The following CCDC186 variants were observed in gnomAD, a reference collection of about 807,000 sequenced individuals.
CCDC186 encodes the protein coiled-coil domain-containing protein 186.
Under a neutral mutation model 113.7 loss-of-function variants are expected in CCDC186, and 49 were observed. The ratio of observed to expected loss-of-function variants is 0.43; its 90% CI spans 0.34 to 0.55. The LOEUF (loss-of-function observed/expected upper bound fraction) is 0.55. Ranked by LOEUF, CCDC186 falls within the 20% of genes least tolerant of loss-of-function variation. CCDC186 has a pLI of 0.02. For missense variants in CCDC186, 890 were observed against 1,011.1 expected, an observed-to-expected ratio of 0.88 and a Z score of 1.62; for synonymous variants, 355 against 345.8, an observed-to-expected ratio of 1.03 and a Z score of -0.30.
At chr10:114,173,508 T>A (rs917264519) in intron 1 of CCDC186, among the ~76,000 whole-genome samples, 2 of 152,112 alleles carry the variant, frequency 1.3e-5, no homozygotes, top group African/African-American at 4.8e-5. Flanking sequence ...TATCCACCAC[T>A]CCAAAGAATC....
At chr10:114,154,810 A>G (rs959578339) in intron 3 of CCDC186, among the ~76,000 whole-genome samples, 15 of 152,356 alleles carry the variant, frequency 9.8e-5, no homozygotes, top group Non-Finnish European at 1.6e-4. Flanking sequence ...TGGCAGAAAC[A>G]ACCCATTTTC....
intron 13 of CCDC186, 89 bp downstream of exon 13, chr10:114,129,802 T>C (rs765691922): frequency 1.8e-5 from 21 of 1,138,482 alleles, no homozygotes; most frequent in Non-Finnish European, 2.6e-5. Flanking sequence ...AGTGCTGGGA[T>C]TACAGGTGTG....
intron 3 of CCDC186, among the ~76,000 whole-genome samples, 196 bp downstream of exon 3, chr10:114,157,357 AT>A (rs5788057): frequency 0.016 from 2,112 of 130,124 alleles, 49 homozygotes; most frequent in African/African-American, 0.052. Flanking sequence ...CTAATTTTCT[AT>A]TTTTTTTTTT....
chr10:114,172,016 A>G (rs2032507465), intron 1 of CCDC186, among the ~76,000 whole-genome samples: 1 of 152,212 alleles, frequency 6.6e-6, no homozygotes, highest in Non-Finnish European at 1.5e-5. Context: ...TGCCCCTAAA[A>G]TGAATACTAA....
intron 1 of CCDC186, chr10:114,165,834 C>T (rs2032320226): frequency 7.2e-6 from 4 of 558,122 alleles, no homozygotes; most frequent in Non-Finnish European, 8.4e-6. Context: ...GGCAACAGAG[C>T]GAGACACTTT....
At chr10:114,160,269 C>CAAA (rs78640501) in intron 2 of CCDC186, among the ~76,000 whole-genome samples, 4 of 114,224 alleles carry the variant, frequency 3.5e-5, no homozygotes, top group African/African-American at 9.6e-5. Flanking sequence ...AACTCCACCT[C>CAAA]AAAAAAAAAA....
At chr10:114,131,095 T>C in intron 12 of CCDC186, 52 bp downstream of exon 12, 3 of 1,323,420 alleles carry the variant, frequency 2.3e-6, no homozygotes, top group African/African-American at 1.5e-5. Flanking sequence ...AAAATCCTAA[T>C]GATTAAAAGA....
chr10:114,157,603 A>G lies in CCDC186; in HGVS notation c.710T>C (p.Leu237Pro). The G allele has an allele frequency of 1.2e-6, 2 of 1,610,986 alleles. No homozygotes were observed. The highest frequency in any genetic ancestry group is 1.7e-6 in the Non-Finnish European group (2 of 1,178,946). Residue 237 changes from leucine (L) to proline (P), a missense_variant, in exon 3 of 16, where the codon CTA becomes CCA. Leu to Pro is a moderately conservative substitution (Grantham distance 98). Coordinates refer to ENST00000369287, the MANE Select transcript of CCDC186 (RefSeq NM_018017.4). ...CSEKDNLREE[L>P]KKRTETEKQH... Reference sequence around the variant, plus strand: ...CTTCTCAGTTTCTGTTCTTTTCTTTAGTTCTTCTCTTAAATTGTCTTTTTC... The same window carrying G: ...CTTCTCAGTTTCTGTTCTTTTCTTTGGTTCTTCTCTTAAATTGTCTTTTTC...
At chr10:114,159,861 C>A (rs551578852) in intron 2 of CCDC186, among the ~76,000 whole-genome samples, 93 of 152,134 alleles carry the variant, frequency 6.1e-4, no homozygotes, top group African/African-American at 2.2e-3. Context: ...ACTTGGGATG[C>A]TGAGGTGGGA....
intron 6 of CCDC186, 56 bp downstream of exon 6, chr10:114,144,441 A>T: frequency 6.4e-7 from 1 of 1,557,174 alleles, no homozygotes; most frequent in Non-Finnish European, 8.6e-7. Context: ...ACAAAAACAA[A>T]AACAAAAACA....
chr10:114,155,342 C>T (rs1020210118), intron 3 of CCDC186, among the ~76,000 whole-genome samples: 5 of 152,114 alleles, frequency 3.3e-5, no homozygotes, highest in African/African-American at 1.2e-4. Flanking sequence ...AAGTACAAGC[C>T]ACATGTGGAA....
At chr10:114,140,224 A>C (rs982641039) in intron 6 of CCDC186, among the ~76,000 whole-genome samples, 2 of 152,246 alleles carry the variant, frequency 1.3e-5, no homozygotes, top group Non-Finnish European at 2.9e-5. Flanking sequence ...GATAGAATGA[A>C]AGTTTGGAGA....
intron 3 of CCDC186, among the ~76,000 whole-genome samples, chr10:114,153,317 C>T (rs533930701): frequency 4.7e-4 from 72 of 152,176 alleles, no homozygotes; most frequent in African/African-American, 1.6e-3. Flanking sequence ...GGGAAATTCA[C>T]AAATTTGTGA....
Position 114,129,900 on chromosome 10 carries a change from T to C in CCDC186, c.2173A>G (p.Ser725Gly). 1 of 1,613,514 alleles carries C rather than the reference T, an allele frequency of 6.2e-7. No homozygotes were observed. The highest frequency in any genetic ancestry group is 8.5e-7 in the Non-Finnish European group (1 of 1,179,596). Residue 725 changes from serine (S) to glycine (G), a missense_variant, in exon 13 of 16, where the codon AGT (serine) becomes GGT (glycine). Ser to Gly is a moderately conservative substitution (Grantham distance 56). Transcript: ENST00000369287. ...KEVSSMGSRS[S>G]SSGSLNARSS... ...GCCACTAGTTTTTTACCTGATGAAC[T>C]AGAACGACTTCCCATGCTGCTGACT...
chr10:114,159,640 C>CAAAAAAA (rs34339225), intron 2 of CCDC186, among the ~76,000 whole-genome samples: 3 of 55,482 alleles, frequency 5.4e-5, no homozygotes, highest in Non-Finnish European at 7.4e-5. Context: ...GACTCCGTCT[C>CAAAAAAA]AAAAAAAAAA....
intron 6 of CCDC186, 93 bp downstream of exon 6, chr10:114,144,404 A>G: frequency 2.1e-6 from 3 of 1,434,480 alleles, no homozygotes; most frequent in Non-Finnish European, 2.8e-6. Flanking sequence ...CTAATCTGAA[A>G]GAGCGAGACT....
chr10:114,147,453 A>T (rs2031680814), intron 4 of CCDC186, among the ~76,000 whole-genome samples: 1 of 152,226 alleles, frequency 6.6e-6, no homozygotes, highest in Non-Finnish European at 1.5e-5. Flanking sequence ...GGGTGAATCA[A>T]GGAAAGGAAT....
intron 6 of CCDC186, 69 bp from the exon 7 acceptor site, chr10:114,137,359 A>G: frequency 9.6e-7 from 1 of 1,045,754 alleles, no homozygotes; most frequent in Non-Finnish European, 1.5e-6. Context: ...GTGACCGGCA[A>G]GTAGGAAGGT....
Position 114,151,284 on chromosome 10 carries a change from AATAAAT to A in CCDC186, c.760-70_760-65del, listed in dbSNP as rs2031850538. The A allele has an allele frequency of 2.6e-5, 29 of 1,129,998 alleles. 2 individuals carry two copies. The East Asian group carries it at 7.4e-4, about 29-fold the overall frequency. The allele number at this position is 1,129,998 out of a possible 1,614,324, so 70.0% of individuals were successfully genotyped here. A position where few individuals can be genotyped will look rare whatever the true frequency, so the allele number is the denominator to read the frequency against. On this transcript the variant is annotated intron_variant, in intron 3 of 15. Transcript: ENST00000369287. The stretch of plus-strand genomic sequence containing the variant: ...TACCAAATACACCACCAATACTGCA[AATAAAT>A]ATAAACAAAGTAAATAAACATAAAG...
Sources: allele counts gnomAD v4.1 joint callset (sites outside exome capture counted in the v4.1 genomes callset), GRCh38; gene constraint gnomAD v4.1.1; transcripts MANE v1.5; gene names NCBI Gene and HGNC (gene_info 2026-07-23, HGNC 2026-07-21).